The following PCLO variants were observed in gnomAD, a reference collection of about 807,000 sequenced individuals.
PCLO encodes piccolo presynaptic cytomatrix protein, also known as protein piccolo.
PCLO carries 82 observed loss-of-function variants against 427.5 expected under a neutral mutation model. The observed-to-expected ratio is 0.19, with a 90% CI of 0.16 to 0.23. The LOEUF (loss-of-function observed/expected upper bound fraction) is 0.23, where lower values mean the gene tolerates loss of function less well. PCLO is among the 10% of genes least tolerant of loss of function. The pLI is 1.00. For missense variants in PCLO, 6,239 were observed against 6,115.9 expected, an observed-to-expected ratio of 1.02 and a Z score of -0.67; for synonymous variants, 2,357 against 2,155.4, an observed-to-expected ratio of 1.09 and a Z score of -2.59.
At position 83,046,406 on chromosome 7, in the gene PCLO, T is replaced by A. The variant is rs569591807; in HGVS notation, c.3301-79919A>T. ...ATTTACCATGTTGTTTCAGATTGTA[T>A]ACCTATGTTAAAGAAATGCTAATTT... On this transcript the variant is annotated intron_variant, in intron 3 of 24. Coordinates refer to ENST00000333891, the MANE Select transcript of PCLO (RefSeq NM_033026.6). Among the ~76,000 whole-genome samples, 3 of 152,222 alleles carry A rather than the reference T, an allele frequency of 2.0e-5. No individual in the cohort carries two copies. In the South Asian group the frequency reaches 6.2e-4, roughly 32 times the overall value.
rs1419347295 is a variant in PCLO, at chr7:82,954,115, T to C, written c.6838A>G (p.Lys2280Glu). 5.0e-6 allele frequency: 8 copies of C among 1,613,902 alleles called. No individual in the cohort carries two copies. The South Asian group carries it at 8.8e-5, about 18-fold the overall frequency. Residue 2280 changes from lysine (K) to glutamate (E), a missense_variant, in exon 5 of 25, where the codon AAA (lysine) becomes GAA (glutamate). Lys to Glu is a moderately conservative substitution (Grantham distance 56). Transcript: ENST00000333891. ...ASSIIESVVP[K>E]PEGPVADTVS... Reference sequence around the variant, plus strand: ...GTGTCAGCAACTGGCCCTTCAGGTTTAGGTACTACAGATTCTATGATAGAA... The same window carrying C: ...GTGTCAGCAACTGGCCCTTCAGGTTCAGGTACTACAGATTCTATGATAGAA...
At chr7:82,857,875 A>G (rs1223228859) in intron 10 of PCLO, among the ~76,000 whole-genome samples, 1 of 152,180 alleles carries the variant, frequency 6.6e-6, no homozygotes, top group African/African-American at 2.4e-5. Flanking sequence ...ATGCTTCACA[A>G]GAAATAATAC....
chr7:82,777,810 A>C (rs904620840), intron 22 of PCLO, among the ~76,000 whole-genome samples: 3 of 152,350 alleles, frequency 2.0e-5, no homozygotes, highest in Middle Eastern at 3.4e-3. Flanking sequence ...AAACCCTGGA[A>C]GATTTACCTA....
chr7:82,775,044 A>C (rs1319390141), intron 22 of PCLO, among the ~76,000 whole-genome samples: 1 of 152,102 alleles, frequency 6.6e-6, no homozygotes, highest in Non-Finnish European at 1.5e-5. Flanking sequence ...AGTTCCTTCC[A>C]TGTCTTTCAT....
At position 82,975,812 on chromosome 7, in the gene PCLO, T is replaced by G. The variant is rs559103048; in HGVS notation, c.3301-9325A>C. The stretch of plus-strand genomic sequence containing the variant: ...TGCTGTTCTCATGATAGTGAGGAAG[T>G]TCTCATGAGACCTGATGGTTTAAAA... On this transcript the variant is annotated intron_variant, in intron 3 of 24. Transcript: ENST00000333891. Among the ~76,000 whole-genome samples the G allele has an allele frequency of 5.5e-3, 835 of 152,152 alleles. 12 individuals carry two copies. The highest frequency in any genetic ancestry group is 0.019 in the African/African-American group (789 of 41,490).
At chr7:82,887,515 T>C (rs1793655167) in intron 9 of PCLO, among the ~76,000 whole-genome samples, 1 of 152,162 alleles carries the variant, frequency 6.6e-6, no homozygotes, top group African/African-American at 2.4e-5. Flanking sequence ...TCCTTTAATT[T>C]TGTTTTATTA....
intron 3 of PCLO, among the ~76,000 whole-genome samples, chr7:82,967,992 G>C (rs1795817675): frequency 6.6e-6 from 1 of 152,070 alleles, no homozygotes; most frequent in Non-Finnish European, 1.5e-5. Context: ...AAAGTATTTA[G>C]ATAAAAAAAT....
At chr7:82,854,700 T>C (rs1030071082) in intron 10 of PCLO, among the ~76,000 whole-genome samples, 1 of 152,124 alleles carries the variant, frequency 6.6e-6, no homozygotes, top group African/African-American at 2.4e-5. Context: ...AAGAATTCTT[T>C]AGATAAATGT....
intron 3 of PCLO, among the ~76,000 whole-genome samples, chr7:83,109,657 C>T (rs1271138818): frequency 2.0e-5 from 3 of 152,012 alleles, no homozygotes; most frequent in East Asian, 1.9e-4. Flanking sequence ...TGGCATGATG[C>T]TATTGACAGC....
chr7:82,800,542 A>C (rs554193554), intron 22 of PCLO, among the ~76,000 whole-genome samples: 1 of 152,268 alleles, frequency 6.6e-6, no homozygotes, highest in Non-Finnish European at 1.5e-5. Context: ...AGAATAGTTA[A>C]ATGTATAGAG....
chr7:83,127,843 T>C (rs1791476425), intron 3 of PCLO, among the ~76,000 whole-genome samples: 1 of 152,138 alleles, frequency 6.6e-6, no homozygotes, highest in Admixed American at 6.5e-5. Context: ...GTAGGTAATG[T>C]GGATATTGCT....
chr7:82,971,619 A>G (rs1233914616), intron 3 of PCLO, among the ~76,000 whole-genome samples: 1 of 147,664 alleles, frequency 6.8e-6, no homozygotes, highest in Non-Finnish European at 1.5e-5. Context: ...ATGATATCGT[A>G]TAGATATATA....
At chr7:82,832,953 T>A (rs1042322544) in intron 16 of PCLO, among the ~76,000 whole-genome samples, 1 of 152,140 alleles carries the variant, frequency 6.6e-6, no homozygotes, top group African/African-American at 2.4e-5. Context: ...GCTTATTGTC[T>A]ATCATTTTAT....
At chr7:82,852,286 T>C (rs909992510) in intron 10 of PCLO, among the ~76,000 whole-genome samples, 1 of 152,152 alleles carries the variant, frequency 6.6e-6, no homozygotes, top group Non-Finnish European at 1.5e-5. Context: ...GTATTGTTCC[T>C]GGGTGTGTCT....
At chr7:82,762,607 A>G (rs1790453599) in intron 22 of PCLO, among the ~76,000 whole-genome samples, 1 of 151,686 alleles carries the variant, frequency 6.6e-6, no homozygotes, top group Non-Finnish European at 1.5e-5. Context: ...TTTAATTAAA[A>G]TTGAAAAGTA....
intron 6 of PCLO, among the ~76,000 whole-genome samples, chr7:82,929,689 T>C (rs987666152): frequency 6.6e-6 from 1 of 152,140 alleles, no homozygotes; most frequent in African/African-American, 2.4e-5. Flanking sequence ...TCTCAAGCCA[T>C]CAATCCTTGT....
chr7:83,026,460 C>A (rs946120691), intron 3 of PCLO, among the ~76,000 whole-genome samples: 4 of 152,062 alleles, frequency 2.6e-5, no homozygotes, highest in Admixed American at 2.6e-4. Flanking sequence ...TAAAGCAAGT[C>A]CTGAGTGACC....
At chr7:83,095,453 T>G (rs1790509883) in intron 3 of PCLO, among the ~76,000 whole-genome samples, 1 of 151,962 alleles carries the variant, frequency 6.6e-6, no homozygotes, top group East Asian at 1.9e-4. Flanking sequence ...TTTATTATTT[T>G]TTTCCTTCTA....
At chr7:82,829,765 C>T (rs535441330) in intron 16 of PCLO, among the ~76,000 whole-genome samples, 1 of 152,018 alleles carries the variant, frequency 6.6e-6, no homozygotes, top group Non-Finnish European at 1.5e-5. Context: ...TAGAGAAATT[C>T]TCCTACCTGT....
Sources: gnomAD v4.1 joint callset for allele counts (sites outside exome capture counted in the v4.1 genomes callset) on GRCh38, gnomAD v4.1.1 for gene constraint, MANE v1.5 for transcripts, NCBI Gene and HGNC (gene_info 2026-07-23, HGNC 2026-07-21) for gene names.